SETDB1: variants seen among roughly 807,000 people sequenced by gnomAD.
SETDB1 encodes the protein SET domain bifurcated histone lysine methyltransferase 1.
SETDB1 carries 31 observed loss-of-function variants against 137.4 expected under a neutral mutation model. That is an observed-to-expected ratio of 0.23 (90% CI 0.17 to 0.30). The LOEUF is 0.30. Ranked by LOEUF, SETDB1 falls within the 10% of genes least tolerant of loss-of-function variation. The pLI, the probability that SETDB1 is intolerant of heterozygous loss-of-function variation, is 1.00. For missense variants in SETDB1, 1,113 were observed against 1,631.5 expected (o/e 0.68, Z 5.47); for synonymous variants, 548 against 579.9 (o/e 0.95, Z 0.79).
In SETDB1 at chr1:150,964,392, G is replaced by T; in HGVS notation, c.*28G>T. The T allele has an allele frequency of 6.5e-7, 1 of 1,533,744 alleles. No individual in the cohort carries two copies. The highest frequency in any genetic ancestry group is 1.7e-5 in the Admixed American group (1 of 58,774). Reference sequence around the variant, plus strand: ...GACAGCCTTCTTCCCAACCCTTCTTGAACTGTCGTTTCCTCAGGAACTGGG... The same window carrying T: ...GACAGCCTTCTTCCCAACCCTTCTTTAACTGTCGTTTCCTCAGGAACTGGG... On this transcript the variant is annotated 3_prime_UTR_variant, in exon 22 of 22. Transcript: ENST00000692827.
At chr1:150,930,409 G>T in intron 3 of SETDB1, 1 of 213,516 alleles carries the variant, frequency 4.7e-6, no homozygotes, top group Non-Finnish European at 9.2e-6. Flanking sequence ...TGTATGTTCT[G>T]TTATTAGAAT....
chr1:150,946,811 A>T (rs1048395154), intron 9 of SETDB1, 75 bp from the exon 10 acceptor site: 1 of 1,538,418 alleles, frequency 6.5e-7, no homozygotes, highest in Non-Finnish European at 9.0e-7. Context: ...CACATGGTAT[A>T]TATCCTCTAC....
At chr1:150,943,545 G>A (rs949668692) in intron 7 of SETDB1, among the ~76,000 whole-genome samples, 5 of 152,068 alleles carry the variant, frequency 3.3e-5, no homozygotes, top group Admixed American at 6.6e-5. Context: ...GTGTGGTGGC[G>A]CATGCCTGTA....
At position 150,930,055 on chromosome 1, in the gene SETDB1, T is replaced by G. The variant is rs1669676228; in HGVS notation, c.349T>G (p.Ser117Ala). The change falls in exon 3 of 22, where the codon TCC becomes GCC. Residue 117 changes from serine (S) to alanine (A), a missense_variant. By Grantham distance (99) the Ser-to-Ala change is moderately conservative. Transcript: ENST00000692827. Reference sequence around the variant, plus strand: ...GGACAGTAGCTCTGAGGACGAATCTTCCCGGCCTACAGAAATAATTGAGAT... The same window carrying G: ...GGACAGTAGCTCTGAGGACGAATCTGCCCGGCCTACAGAAATAATTGAGAT... ...YRDSSSEDESSRPTEIIEIPD... is the reference protein window; with the variant it reads ...YRDSSSEDESARPTEIIEIPD... 1 of 1,613,926 alleles carries G rather than the reference T, an allele frequency of 6.2e-7. No homozygotes were observed. Among genetic ancestry groups the G allele is most frequent in the Non-Finnish European group, 8.5e-7 (1 of 1,179,914 alleles).
chr1:150,930,355 G>T (rs1669685651), intron 3 of SETDB1: 1 of 398,344 alleles, frequency 2.5e-6, no homozygotes, highest in Non-Finnish European at 4.6e-6. Flanking sequence ...CCCCTATTTT[G>T]GGGTATTCCA....
In SETDB1 at chr1:150,951,406, C is replaced by G; in HGVS notation, c.2258C>G (p.Ala753Gly). 6.2e-7 allele frequency: 1 copy of G among 1,613,604 alleles called. No individual in the cohort carries two copies. Among genetic ancestry groups the G allele is most frequent in the Non-Finnish European group, 8.5e-7 (1 of 1,179,512 alleles). The change falls in exon 14 of 22, where the codon GCC (alanine) becomes GGC (glycine). Residue 753 changes from alanine (A) to glycine (G), a missense_variant. By Grantham distance (60) the Ala-to-Gly change is moderately conservative. Coordinates refer to ENST00000692827, the MANE Select transcript of SETDB1 (RefSeq NM_001366418.1). ...ACHQLTIQAT[A>G]CTPGGQINPN... ...CATCAACTAACTATCCAGGCTACAG[C>G]CTGTACCCCAGGAGGCCAAATCAAC...
intron 3 of SETDB1, 63 bp downstream of exon 3, chr1:150,930,181 AAATAGAAGAT>A: frequency 5.8e-6 from 8 of 1,379,972 alleles, no homozygotes; most frequent in Non-Finnish European, 8.1e-6. Flanking sequence ...GAAGATGAGC[AAATAGAAGAT>A]AATAGAAGAG....
At chr1:150,943,882 A>G (rs1670239743) in intron 7 of SETDB1, 38 bp from the exon 8 acceptor site, 1 of 1,260,188 alleles carries the variant, frequency 7.9e-7, no homozygotes, top group East Asian at 2.3e-5. Context: ...TAAATATCAT[A>G]ACCCCCAGAT....
rs778174197 is a variant in SETDB1 at position 150,960,893 on chromosome 1, C to G, written c.2834C>G (p.Ser945Cys). ...QKENGLSETT[S>C]KDSHPPDLGP... ...GAGAACGGACTCTCTGAGACAACTT[C>G]CAAGGACTCCCACCCCCCAGATCTT... Residue 945 changes from serine to cysteine, a missense_variant, in exon 16 of 22, where the codon TCC (serine) becomes TGC (cysteine). Transcript: ENST00000692827. 1.9e-6 allele frequency: 3 copies of G among 1,612,014 alleles called. No homozygotes were observed. The highest frequency in any genetic ancestry group is 4.5e-5 in the East Asian group (2 of 44,886).
chr1:150,929,841 AC>A, intron 2 of SETDB1, 125 bp from the exon 3 acceptor site: 1 of 743,324 alleles, frequency 1.3e-6, no homozygotes, highest in Non-Finnish European at 2.2e-6. Context: ...AAACAGAGAC[AC>A]TTTGGAATGT....
In SETDB1 at chr1:150,962,623, T is replaced by C; in HGVS notation, c.3198T>C (p.Pro1066=). The C allele has an allele frequency of 6.2e-7, 1 of 1,613,986 alleles. No homozygotes were observed. The highest frequency in any genetic ancestry group is 8.5e-7 in the Non-Finnish European group (1 of 1,179,848). The change falls in exon 18 of 22, where the codon CCT becomes CCC. Residue 1066 remains proline, a synonymous_variant. Coordinates refer to ENST00000692827, the MANE Select transcript of SETDB1 (RefSeq NM_001366418.1). The part of the protein sequence containing the change: ...TESSRNYGYN[P]SPVKPEGLRR... ...GCTCTCGAAATTACGGTTACAATCC[T>C]TCTCCTGTGAAGCCTGAAGGACTTC...
chr1:150,948,425 C>T (rs1362678487), intron 10 of SETDB1, among the ~76,000 whole-genome samples: 2 of 151,904 alleles, frequency 1.3e-5, no homozygotes, highest in Admixed American at 1.3e-4. Context: ...CGACTGCTAC[C>T]ATGCCAGGCT....
At chr1:150,947,711 G>T (rs1399545421) in intron 10 of SETDB1, among the ~76,000 whole-genome samples, 1 of 152,160 alleles carries the variant, frequency 6.6e-6, no homozygotes. Context: ...AGGAGGTCGA[G>T]GTTGCAGTGA....
At chr1:150,949,657 G>T (rs1670440091) in intron 12 of SETDB1, 132 bp downstream of exon 12, 1 of 698,900 alleles carries the variant, frequency 1.4e-6, no homozygotes, top group East Asian at 2.7e-5. Flanking sequence ...TGAAAAGGAA[G>T]CTTTACCCAT....
At chr1:150,953,141 C>T (rs1670544972) in intron 14 of SETDB1, among the ~76,000 whole-genome samples, 2 of 152,132 alleles carry the variant, frequency 1.3e-5, no homozygotes. Context: ...AGGTTGAGGA[C>T]AGCTACTGAG....
intron 9 of SETDB1, 70 bp downstream of exon 9, chr1:150,945,178 A>T: frequency 6.3e-7 from 1 of 1,595,670 alleles, no homozygotes. Flanking sequence ...AGTAATGAGG[A>T]TGGTTTTATA....
chr1:150,927,472 A>T (rs1020017526), intron 1 of SETDB1, among the ~76,000 whole-genome samples: 6 of 152,148 alleles, frequency 3.9e-5, no homozygotes, highest in Admixed American at 3.9e-4. Context: ...AATGTTCTCC[A>T]TGCCGTCTCA....
At chr1:150,959,796 G>C (rs1670764727) in intron 15 of SETDB1, among the ~76,000 whole-genome samples, 1 of 152,220 alleles carries the variant, frequency 6.6e-6, no homozygotes, top group Non-Finnish European at 1.5e-5. Flanking sequence ...CACTGGGCCG[G>C]CGTGGTGGCT....
intron 16 of SETDB1, 68 bp downstream of exon 16, chr1:150,961,259 C>T: frequency 2.0e-6 from 3 of 1,472,700 alleles, no homozygotes; most frequent in African/African-American, 2.8e-5. Context: ...GCAGTCTCAC[C>T]ATGAGTCTTT....
Sources: gnomAD v4.1 joint callset for allele counts (sites outside exome capture counted in the v4.1 genomes callset) on GRCh38, gnomAD v4.1.1 for gene constraint, MANE v1.5 for transcripts, NCBI Gene and HGNC (gene_info 2026-07-23, HGNC 2026-07-21) for gene names.